Variants in MEIS1 observed in about 807,000 individuals in gnomAD.
The protein encoded by MEIS1 is Meis homeobox 1.
In MEIS1, 5 loss-of-function variants were observed where a neutral mutation model predicts 50.8. That is an observed-to-expected ratio of 0.10 (90% confidence interval 0.05 to 0.21). The LOEUF (loss-of-function observed/expected upper bound fraction) is 0.21, where lower values mean the gene tolerates loss of function less well. Among genes scored for constraint, MEIS1 ranks in the 10% least tolerant of loss-of-function variants. MEIS1 has a pLI of 1.00. For missense variants in MEIS1, 318 were observed against 517.3 expected, an observed-to-expected ratio of 0.61 and a Z score of 3.74; for synonymous variants, 176 against 179.3, an observed-to-expected ratio of 0.98 and a Z score of 0.15.
chr2:66,503,117 T>C (rs1304022294), intron 7 of MEIS1, among the ~76,000 whole-genome samples: 1 of 152,218 alleles, frequency 6.6e-6, no homozygotes, highest in East Asian at 1.9e-4. Flanking sequence ...AGGTGATTTG[T>C]TAGGTTGAAC....
intron 7 of MEIS1, among the ~76,000 whole-genome samples, chr2:66,467,373 G>C (rs563826579): frequency 5.3e-4 from 81 of 152,154 alleles, no homozygotes; most frequent in African/African-American, 1.8e-3. Context: ...GAGGTAGGGG[G>C]GGGTCACAAG....
chr2:66,446,598 C>G (rs1427349988), intron 6 of MEIS1, among the ~76,000 whole-genome samples: 1 of 152,122 alleles, frequency 6.6e-6, no homozygotes, highest in Non-Finnish European at 1.5e-5. Context: ...GGGGGGTCCT[C>G]GTCTGAATCT....
chr2:66,452,571 G>C (rs1458586851), intron 6 of MEIS1, among the ~76,000 whole-genome samples: 1 of 151,832 alleles, frequency 6.6e-6, no homozygotes, highest in Non-Finnish European at 1.5e-5. Flanking sequence ...AGTTTTCTTG[G>C]CTCTAGCTTC....
At chr2:66,476,731 G>A (rs1262730533) in intron 7 of MEIS1, among the ~76,000 whole-genome samples, 1 of 152,138 alleles carries the variant, frequency 6.6e-6, no homozygotes, top group East Asian at 1.9e-4. Context: ...GGCCTGAAAG[G>A]AGTGCAGATG....
chr2:66,564,830 G>A (rs1222863428), intron 9 of MEIS1, among the ~76,000 whole-genome samples: 5 of 151,228 alleles, frequency 3.3e-5, no homozygotes, highest in East Asian at 1.9e-4. Flanking sequence ...CCATTAACTC[G>A]TCATTTACAT....
intron 6 of MEIS1, among the ~76,000 whole-genome samples, chr2:66,453,394 TCTTA>T (rs1175092320): frequency 6.6e-6 from 1 of 151,978 alleles, no homozygotes; most frequent in Admixed American, 6.6e-5. Flanking sequence ...CAACTCAGCA[TCTTA>T]CTTCTGGAAT....
At chr2:66,525,185 C>T (rs758913150) in intron 8 of MEIS1, among the ~76,000 whole-genome samples, 10 of 152,124 alleles carry the variant, frequency 6.6e-5, no homozygotes, top group Non-Finnish European at 1.5e-4. Context: ...TGCACTCCAT[C>T]CTGGGCGGCA....
chr2:66,561,144 T>C (rs996969783), intron 9 of MEIS1, among the ~76,000 whole-genome samples: 5 of 152,200 alleles, frequency 3.3e-5, no homozygotes, highest in Admixed American at 1.3e-4. Flanking sequence ...GATTTTTTTA[T>C]TGTTGTTTAA....
At chr2:66,496,465 CAT>C (rs1332263690) in intron 7 of MEIS1, among the ~76,000 whole-genome samples, 1 of 152,138 alleles carries the variant, frequency 6.6e-6, no homozygotes, top group Non-Finnish European at 1.5e-5. Flanking sequence ...TGCCCAATTT[CAT>C]AGTGTGCACG....
chr2:66,570,968 A>G (rs1376612615), intron 12 of MEIS1: 2 of 366,734 alleles, frequency 5.5e-6, no homozygotes, highest in South Asian at 3.1e-5. Flanking sequence ...TCTTCAGACC[A>G]GACCTCAAAT....
intron 6 of MEIS1, chr2:66,454,597 G>A (rs1672347686): frequency 6.6e-6 from 1 of 151,960 alleles, no homozygotes; most frequent in African/African-American, 2.4e-5. Flanking sequence ...TGCATTATTG[G>A]ATTTTTCATT....
At chr2:66,520,250 G>A (rs535398108) in intron 8 of MEIS1, among the ~76,000 whole-genome samples, 3 of 151,782 alleles carry the variant, frequency 2.0e-5, no homozygotes, top group South Asian at 2.1e-4. Flanking sequence ...CGAGGTGGGC[G>A]GATCCTGAGG....
chr2:66,489,396 A>C (rs1019561208), intron 7 of MEIS1, among the ~76,000 whole-genome samples: 1 of 152,254 alleles, frequency 6.6e-6, no homozygotes, highest in Non-Finnish European at 1.5e-5. Context: ...ATATTTCAAC[A>C]GGCAGATGAA....
At chr2:66,523,203 A>G (rs887310337) in intron 8 of MEIS1, among the ~76,000 whole-genome samples, 1 of 152,228 alleles carries the variant, frequency 6.6e-6, no homozygotes, top group Non-Finnish European at 1.5e-5. Flanking sequence ...GGATTTCTCA[A>G]TGGTTAAGTA....
chr2:66,451,277 A>G (rs553704935), intron 6 of MEIS1, among the ~76,000 whole-genome samples: 1 of 152,180 alleles, frequency 6.6e-6, no homozygotes, highest in South Asian at 2.1e-4. Flanking sequence ...GATTGTCCAT[A>G]CTTGGTCCCA....
At chr2:66,518,717 G>A (rs1674033441) in intron 8 of MEIS1, among the ~76,000 whole-genome samples, 2 of 152,160 alleles carry the variant, frequency 1.3e-5, no homozygotes, top group Non-Finnish European at 2.9e-5. Flanking sequence ...GTGAGTGTGT[G>A]TATATTTTTT....
At chr2:66,525,072 G>A (rs115913078) in intron 8 of MEIS1, among the ~76,000 whole-genome samples, 2,484 of 152,124 alleles carry the variant, frequency 0.016, 67 homozygotes, top group African/African-American at 0.057. Context: ...ACTTAGCCTG[G>A]TGTGGCGGGG....
At chr2:66,464,034 C>T (rs570268513) in intron 6 of MEIS1, 75 bp from the exon 7 acceptor site, 13 of 1,068,020 alleles carry the variant, frequency 1.2e-5, no homozygotes, top group Non-Finnish European at 1.7e-5. Context: ...ATGGCTTTGT[C>T]ATTATGCCAT....
At chr2:66,468,510 T>C (rs192871636) in intron 7 of MEIS1, among the ~76,000 whole-genome samples, 1 of 152,326 alleles carries the variant, frequency 6.6e-6, no homozygotes. Context: ...ATCCCCTCAC[T>C]TTTCAAGTGA....
Sources: gnomAD v4.1 joint callset for allele counts (sites outside exome capture counted in the v4.1 genomes callset) on GRCh38, gnomAD v4.1.1 for gene constraint, MANE v1.5 for transcripts, NCBI Gene and HGNC (gene_info 2026-07-23, HGNC 2026-07-21) for gene names.